Variants in ARHGAP26 observed in about 807,000 individuals in gnomAD.
The protein encoded by ARHGAP26 is Rho GTPase activating protein 26, also known as rho GTPase-activating protein 26.
A neutral mutation model predicts 104.8 loss-of-function variants in ARHGAP26; 38 were observed. The observed-to-expected ratio is 0.36, with a 90% CI of 0.28 to 0.48. The LOEUF is 0.48. ARHGAP26 is among the 20% of genes least tolerant of loss of function. ARHGAP26 has a pLI of 0.99. For missense variants in ARHGAP26, 704 were observed against 947.9 expected (o/e 0.74, Z 3.38); for synonymous variants, 341 against 340.0 (o/e 1.00, Z -0.03).
intron 12 of ARHGAP26, among the ~76,000 whole-genome samples, chr5:143,026,924 T>C (rs1781139051): frequency 6.6e-6 from 1 of 152,108 alleles, no homozygotes; most frequent in African/African-American, 2.4e-5. Flanking sequence ...AGTAGTTAGA[T>C]TCTGGATACG....
chr5:143,009,742 G>C (rs1347794256), intron 11 of ARHGAP26, among the ~76,000 whole-genome samples: 2 of 152,172 alleles, frequency 1.3e-5, no homozygotes, highest in Non-Finnish European at 1.5e-5. Context: ...ATATACAATG[G>C]TCAGTAGAAA....
At chr5:142,797,758 G>C (rs1761276883) in intron 1 of ARHGAP26, among the ~76,000 whole-genome samples, 1 of 152,170 alleles carries the variant, frequency 6.6e-6, no homozygotes, top group South Asian at 2.1e-4. Context: ...GTTTGAAAAG[G>C]CAAGTCTTTG....
chr5:142,997,325 G>A (rs574514595), intron 11 of ARHGAP26, among the ~76,000 whole-genome samples: 12 of 152,236 alleles, frequency 7.9e-5, no homozygotes, highest in Non-Finnish European at 1.5e-5. Context: ...CACTGTGCAT[G>A]TTCACTGATG....
At chr5:142,999,427 T>C (rs1477448069) in intron 11 of ARHGAP26, among the ~76,000 whole-genome samples, 2 of 152,248 alleles carry the variant, frequency 1.3e-5, no homozygotes, top group Middle Eastern at 3.4e-3. Context: ...TTTTATAATA[T>C]GAGAACTGTT....
intron 11 of ARHGAP26, among the ~76,000 whole-genome samples, chr5:142,988,296 C>T (rs1775071271): frequency 6.6e-6 from 1 of 152,124 alleles, no homozygotes; most frequent in African/African-American, 2.4e-5. Context: ...TTATAGTATT[C>T]TCTGATGGTA....
chr5:143,081,121 G>A (rs918931739), intron 17 of ARHGAP26, among the ~76,000 whole-genome samples: 1 of 152,082 alleles, frequency 6.6e-6, no homozygotes, highest in Non-Finnish European at 1.5e-5. Flanking sequence ...TTGGGGTAAA[G>A]ACACCAAAAG....
chr5:143,031,424 A>G (rs575098697), intron 12 of ARHGAP26, among the ~76,000 whole-genome samples: 135 of 151,934 alleles, frequency 8.9e-4, no homozygotes, highest in African/African-American at 3.1e-3. Context: ...CAGGATGGTG[A>G]TGATGATGAT....
chr5:142,795,015 C>T (rs540537752), intron 1 of ARHGAP26, among the ~76,000 whole-genome samples: 21 of 151,926 alleles, frequency 1.4e-4, no homozygotes, highest in Non-Finnish European at 5.9e-5. Context: ...AGGCTTTGTG[C>T]GCCACATAGT....
intron 17 of ARHGAP26, among the ~76,000 whole-genome samples, chr5:143,075,704 T>C (rs766025679): frequency 3.9e-5 from 6 of 152,204 alleles, no homozygotes; most frequent in Non-Finnish European, 8.8e-5. Flanking sequence ...TTAATAGTTA[T>C]GTTTTTGTTT....
chr5:142,907,377 T>C (rs1003874038), intron 8 of ARHGAP26: 5 of 164,294 alleles, frequency 3.0e-5, no homozygotes, highest in African/African-American at 1.2e-4. Flanking sequence ...AGTGGAAACT[T>C]CAGTTGGGGC....
chr5:143,061,872 T>C (rs1011321221), intron 17 of ARHGAP26, among the ~76,000 whole-genome samples: 6 of 152,230 alleles, frequency 3.9e-5, no homozygotes, highest in African/African-American at 1.4e-4. Flanking sequence ...ATTTCTTCTC[T>C]GAGTCCCTTT....
intron 17 of ARHGAP26, among the ~76,000 whole-genome samples, chr5:143,106,466 CTTTT>C (rs70991793): frequency 5.2e-5 from 4 of 77,292 alleles, no homozygotes; most frequent in African/African-American, 2.1e-4. Context: ...ATGCATTGGG[CTTTT>C]TTTTTTTTTT....
intron 5 of ARHGAP26, among the ~76,000 whole-genome samples, chr5:142,891,205 C>T: frequency 6.6e-6 from 1 of 151,960 alleles, no homozygotes; most frequent in African/African-American, 2.4e-5. Flanking sequence ...TCTAAGCAGC[C>T]ACACGATGCA....
At chr5:143,034,296 C>A (rs1273750168) in intron 12 of ARHGAP26, among the ~76,000 whole-genome samples, 1 of 152,118 alleles carries the variant, frequency 6.6e-6, no homozygotes, top group Non-Finnish European at 1.5e-5. Context: ...GACTTGTACA[C>A]AGATGTTCAT....
At chr5:143,216,300 C>T (rs1225568186) in intron 22 of ARHGAP26, 4 of 471,088 alleles carry the variant, frequency 8.5e-6, no homozygotes, top group South Asian at 6.2e-5. Flanking sequence ...CTCACATCTG[C>T]TCTTGCTGCC....
At chr5:142,893,382 C>A (rs1389867626) in intron 5 of ARHGAP26, among the ~76,000 whole-genome samples, 1 of 152,132 alleles carries the variant, frequency 6.6e-6, no homozygotes, top group Non-Finnish European at 1.5e-5. Flanking sequence ...ATTTGTTTTT[C>A]TGTGCCTTCA....
chr5:142,858,093 GTGA>G (rs1389815980), intron 1 of ARHGAP26, among the ~76,000 whole-genome samples: 5 of 129,000 alleles, frequency 3.9e-5, no homozygotes, highest in Non-Finnish European at 8.0e-5. Context: ...GTGTGTGTGT[GTGA>G]GAGAGAGAGA....
intron 22 of ARHGAP26, among the ~76,000 whole-genome samples, chr5:143,221,587 C>T (rs1811141362): frequency 6.6e-6 from 1 of 152,118 alleles, no homozygotes; most frequent in African/African-American, 2.4e-5. Context: ...AATCACGGCT[C>T]ACTGCAGCCT....
At chr5:143,216,261 G>A in intron 22 of ARHGAP26, 1 of 471,074 alleles carries the variant, frequency 2.1e-6, no homozygotes, top group Non-Finnish European at 4.4e-6. Context: ...TCTCACCTGG[G>A]CACTTCCACT....
Sources: gnomAD v4.1 joint callset for allele counts (sites outside exome capture counted in the v4.1 genomes callset) on GRCh38, gnomAD v4.1.1 for gene constraint, MANE v1.5 for transcripts, NCBI Gene and HGNC (gene_info 2026-07-23, HGNC 2026-07-21) for gene names.